The following PLCH2 variants were observed in gnomAD, a reference collection of about 807,000 sequenced individuals.
PLCH2 encodes the protein 1-phosphatidylinositol 4,5-bisphosphate phosphodiesterase eta-2.
Under a neutral mutation model 134.7 loss-of-function variants are expected in PLCH2, and 98 were observed. The ratio of observed to expected loss-of-function variants is 0.73; its 90% CI spans 0.62 to 0.86. PLCH2 has a LOEUF of 0.86. Ranked by LOEUF, PLCH2 falls within the 40% of genes least tolerant of loss-of-function variation. The pLI is 0.00. For synonymous variants in PLCH2, 974 were observed against 827.5 expected (o/e 1.18, Z -3.04); for missense variants, 1,994 against 1,986.6 (o/e 1.00, Z -0.07).
intron 1 of PLCH2, chr1:2,426,136 A>C (rs41315654): frequency 4.1e-4 from 63 of 152,378 alleles, no homozygotes; most frequent in African/African-American, 1.5e-3. Context: ...AGGACACTGT[A>C]TCTGAGCCGA....
chr1:2,489,241 A>G lies in PLCH2; in HGVS notation c.1270A>G (p.Ser424Gly). ...GATCCTGTCCATCGAAAACCACTGC[A>G]GTGTCATCCAGCAGAAGAAAATGGC... ...PVILSIENHC[S>G]VIQQKKMAQY... The change falls in exon 9 of 22, where the codon AGT becomes GGT. Residue 424 changes from serine to glycine, a missense_variant. Around this residue, in one of 2 missense-constraint regions of PLCH2, gnomAD observed 1,094 missense variants for 1,234.3 expected, o/e 0.89. Transcript: ENST00000378486. The G allele has an allele frequency of 6.2e-7, 1 of 1,613,910 alleles. No individual in the cohort carries two copies. The highest frequency in any genetic ancestry group is 8.5e-7 in the Non-Finnish European group (1 of 1,179,858).
chr1:2,419,018 C>A, the PLCH2 span, among the ~76,000 whole-genome samples: 3 of 152,186 alleles, frequency 2.0e-5, no homozygotes, highest in African/African-American at 7.2e-5. Context: ...GGTCTGTGCC[C>A]GACGCCTCTC....
At chr1:2,475,892 C>A (rs571295987), upstream of PLCH2, among the ~76,000 whole-genome samples, 1 of 152,252 alleles carries the variant, frequency 6.6e-6, no homozygotes, top group East Asian at 1.9e-4. Flanking sequence ...GAGCTTCTGC[C>A]CCTGCTCTGG....
chr1:2,503,635 G>C (rs951368138), intron 21 of PLCH2: 7 of 696,824 alleles, frequency 1.0e-5, no homozygotes, highest in Admixed American at 4.0e-5. Context: ...TGAGAGCGGC[G>C]AGTGACAGGT....
At chr1:2,427,769 G>A (rs922998476) in intron 1 of PLCH2, among the ~76,000 whole-genome samples, 2 of 151,960 alleles carry the variant, frequency 1.3e-5, no homozygotes, top group Admixed American at 6.6e-5. Flanking sequence ...AGCAGCCGGC[G>A]AGCCCTCCAG....
intron 4 of PLCH2, among the ~76,000 whole-genome samples, chr1:2,482,913 G>C (rs955442652): frequency 6.6e-6 from 1 of 152,214 alleles, no homozygotes; most frequent in African/African-American, 2.4e-5. Flanking sequence ...TGTCCTGAGA[G>C]GCATGGCCAG....
chr1:2,459,948 G>A (rs567275162), intron 2 of PLCH2, among the ~76,000 whole-genome samples: 181 of 152,346 alleles, frequency 1.2e-3, no homozygotes, highest in African/African-American at 4.0e-3. Context: ...AGCGTCCATC[G>A]GCCCCTCACC....
chr1:2,495,851 C>T (rs1006716218), intron 13 of PLCH2, among the ~76,000 whole-genome samples: 3 of 152,120 alleles, frequency 2.0e-5, no homozygotes, highest in African/African-American at 7.2e-5. Context: ...TCACCGCCTC[C>T]TCTTATGAGG....
At chr1:2,489,698 C>T in intron 9 of PLCH2, 62 bp from the exon 10 acceptor site, 1 of 1,329,518 alleles carries the variant, frequency 7.5e-7, no homozygotes, top group South Asian at 1.2e-5. Context: ...TTTGTGGGTG[C>T]CAGGTACTGG....
intron 1 of PLCH2, among the ~76,000 whole-genome samples, chr1:2,470,251 CA>C (rs1641262789): frequency 2.0e-5 from 3 of 152,214 alleles, no homozygotes. Flanking sequence ...TTCTCAGGGG[CA>C]GCCCTGTGCC....
chr1:2,500,116 T>G, intron 20 of PLCH2: 2 of 215,702 alleles, frequency 9.3e-6, no homozygotes, highest in East Asian at 1.1e-4. Context: ...ACCCCTCTAC[T>G]TCCTGGTGTC....
In PLCH2 at chr1:2,504,816, G is replaced by A. The variant is rs528048160; in HGVS notation, c.3854G>A (p.Gly1285Glu). 11 of 1,610,360 alleles carry A rather than the reference G, an allele frequency of 6.8e-6. No individual in the cohort carries two copies. The highest frequency in any genetic ancestry group is 2.2e-5 in the South Asian group (2 of 90,948). ...AGCCACAGCCTGGGCCTCCCGGGAGGGACACGGCGGGTGTCGGGGCCAGGG... is the reference window on the plus strand; with the variant it reads ...AGCCACAGCCTGGGCCTCCCGGGAGAGACACGGCGGGTGTCGGGGCCAGGG... Reference protein sequence around the residue: ...RLSHSLGLPGGTRRVSGPGVR... With the variant: ...RLSHSLGLPGETRRVSGPGVR... Residue 1285 changes from glycine (G) to glutamate (E), a missense_variant, in exon 22 of 22, where the codon GGG (glycine) becomes GAG (glutamate). Gly to Glu is a moderately conservative substitution (Grantham distance 98, BLOSUM62 -2). Around this residue, in one of 2 missense-constraint regions of PLCH2, gnomAD observed 900 missense variants for 752.3 expected, o/e 1.20. Transcript: ENST00000378486.
intron 2 of PLCH2, among the ~76,000 whole-genome samples, chr1:2,452,734 G>C (rs78282920): frequency 1.1e-4 from 17 of 152,226 alleles, no homozygotes; most frequent in African/African-American, 3.9e-4. Context: ...CCCTTCTGGG[G>C]CGCCTGGCCA....
intron 2 of PLCH2, among the ~76,000 whole-genome samples, chr1:2,456,915 A>G (rs1323499319): frequency 6.6e-6 from 1 of 152,106 alleles, no homozygotes; most frequent in Admixed American, 6.5e-5. Context: ...CCAGGTTCAC[A>G]CCATGACTCT....
chr1:2,461,685 C>A (rs982275486), intron 2 of PLCH2, among the ~76,000 whole-genome samples: 1 of 152,182 alleles, frequency 6.6e-6, no homozygotes, highest in African/African-American at 2.4e-5. Flanking sequence ...GGCCTCAAAT[C>A]CAGCTGTTTC....
intron 11 of PLCH2, 65 bp downstream of exon 11, chr1:2,491,400 A>G (rs1642574462): frequency 6.4e-7 from 1 of 1,552,792 alleles, no homozygotes; most frequent in African/African-American, 1.4e-5. Flanking sequence ...CCTGTGGGCC[A>G]GCCAGGGCCC....
intron 20 of PLCH2, chr1:2,500,084 C>A (rs1558033546): frequency 6.1e-6 from 2 of 328,440 alleles, no homozygotes; most frequent in Non-Finnish European, 1.1e-5. Context: ...GAGTGATGCC[C>A]CTCTCCCCTC....
At chr1:2,480,741 T>G (rs1019186519) in intron 4 of PLCH2, among the ~76,000 whole-genome samples, 2 of 152,242 alleles carry the variant, frequency 1.3e-5, no homozygotes, top group Non-Finnish European at 2.9e-5. Flanking sequence ...ACTTTCCCCA[T>G]GCCGCCCTCG....
intron 20 of PLCH2, chr1:2,500,819 T>C (rs1262116383): frequency 4.0e-5 from 1 of 25,204 alleles, no homozygotes; most frequent in Non-Finnish European, 8.0e-5. Flanking sequence ...CCCTCAGTCC[T>C]CCCTCCCCTC....
Sources: allele counts gnomAD v4.1 joint callset (sites outside exome capture counted in the v4.1 genomes callset), GRCh38; gene constraint gnomAD v4.1.1; regional missense constraint gnomAD v4.1.1; transcripts MANE v1.5; gene names NCBI Gene and HGNC (gene_info 2026-07-23, HGNC 2026-07-21).